Variants in PDE4B observed in about 807,000 individuals in gnomAD.
PDE4B encodes the protein phosphodiesterase 4B, also known as 3',5'-cyclic-AMP phosphodiesterase 4B.
PDE4B carries 20 observed loss-of-function variants against 82.2 expected under a neutral mutation model. The observed-to-expected ratio is 0.24, with a 90% CI of 0.17 to 0.35. PDE4B has a LOEUF of 0.35. PDE4B is among the 10% of genes least tolerant of loss of function. PDE4B has a pLI of 1.00. For synonymous variants in PDE4B, 320 were observed against 318.9 expected (o/e 1.00, Z -0.04); for missense variants, 655 against 907.2 (o/e 0.72, Z 3.57).
At chr1:66,242,423 T>C (rs992536409) in intron 3 of PDE4B, among the ~76,000 whole-genome samples, 4 of 152,204 alleles carry the variant, frequency 2.6e-5, no homozygotes, top group Admixed American at 2.6e-4. Flanking sequence ...GATTTGAATC[T>C]CTTTTGTGGA....
At chr1:66,166,407 G>T (rs1399808666) in intron 3 of PDE4B, among the ~76,000 whole-genome samples, 1 of 152,106 alleles carries the variant, frequency 6.6e-6, no homozygotes, top group Non-Finnish European at 1.5e-5. Flanking sequence ...TCATTAAAGT[G>T]AAAAACTTTT....
chr1:66,032,369 G>T (rs1022524403), intron 3 of PDE4B, among the ~76,000 whole-genome samples: 2 of 152,070 alleles, frequency 1.3e-5, no homozygotes, highest in East Asian at 3.9e-4. Context: ...ATCCTAGGAG[G>T]CTATAGTTTA....
At chr1:66,156,811 A>G (rs999864065) in intron 3 of PDE4B, among the ~76,000 whole-genome samples, 4 of 152,112 alleles carry the variant, frequency 2.6e-5, no homozygotes, top group Non-Finnish European at 5.9e-5. Flanking sequence ...ACTCTTCTTC[A>G]CTTGGCTTCA....
intron 3 of PDE4B, among the ~76,000 whole-genome samples, chr1:66,036,405 A>G (rs1654064809): frequency 6.6e-6 from 1 of 152,148 alleles, no homozygotes. Context: ...GCCCAGACCA[A>G]TATGGGTACT....
chr1:65,868,681 T>C (rs1646539332), intron 1 of PDE4B, among the ~76,000 whole-genome samples: 1 of 152,120 alleles, frequency 6.6e-6, no homozygotes, highest in East Asian at 1.9e-4. Context: ...TGCAGACCAG[T>C]AGTGGTCTGT....
intron 3 of PDE4B, among the ~76,000 whole-genome samples, chr1:65,954,222 A>G (rs6421482): frequency 0.58 from 88,229 of 151,922 alleles, 25,845 homozygotes; most frequent in African/African-American, 0.65. Flanking sequence ...ATCTCATAAC[A>G]CTTATTTTTC....
In PDE4B at chr1:66,095,143, AACTCCACTT is replaced by A. The variant is rs533555674; in HGVS notation, c.282-152316_282-152308del. On this transcript the variant is annotated intron_variant, in intron 3 of 16. Coordinates refer to ENST00000341517, the MANE Select transcript of PDE4B (RefSeq NM_002600.4). ...TTCATCTTGGTGAACATCTAGTTTA[AACTCCACTT>A]TGAGAGGTAATATTATTCAGTAGAG... Among the ~76,000 whole-genome samples the A allele has an allele frequency of 8.1e-3, 1,232 of 152,014 alleles. 19 individuals carry two copies. Among genetic ancestry groups the A allele is most frequent in the African/African-American group, 0.029 (1,201 of 41,546 alleles).
chr1:65,850,493 T>A (rs2101387437), intron 1 of PDE4B, among the ~76,000 whole-genome samples: 1 of 152,296 alleles, frequency 6.6e-6, no homozygotes, highest in South Asian at 2.1e-4. Flanking sequence ...TATCACTTTG[T>A]GGTTTTAATT....
chr1:66,029,373 G>A (rs1339595672), intron 3 of PDE4B, among the ~76,000 whole-genome samples: 2 of 152,112 alleles, frequency 1.3e-5, no homozygotes, highest in Non-Finnish European at 1.5e-5. Flanking sequence ...TTTGGGTGGG[G>A]ACACAGCCAA....
At chr1:66,368,766 T>C in intron 15 of PDE4B, 21 bp from the exon 16 acceptor site, 1 of 1,494,770 alleles carries the variant, frequency 6.7e-7, no homozygotes, top group South Asian at 1.4e-5. Context: ...TTATGAGATT[T>C]CCAAAACTTG....
At position 65,992,249 on chromosome 1, in the gene PDE4B, A is replaced by G. The variant is rs1651283081; in HGVS notation, c.281+73414A>G. Reference sequence around the variant, plus strand: ...GATTTAATCAGTTTTTACTGTGATGAAGACAGTTAGCCTCACAAATTTTGT... The same window carrying G: ...GATTTAATCAGTTTTTACTGTGATGGAGACAGTTAGCCTCACAAATTTTGT... On this transcript the variant is annotated intron_variant, in intron 3 of 16. Coordinates refer to ENST00000341517, the MANE Select transcript of PDE4B (RefSeq NM_002600.4). Among the ~76,000 whole-genome samples, 7 of 152,188 alleles carry G rather than the reference A, an allele frequency of 4.6e-5. No homozygotes were observed. In the South Asian group the frequency reaches 1.5e-3, roughly 32 times the overall value.
At chr1:66,276,622 C>A (rs1214287496) in intron 7 of PDE4B, among the ~76,000 whole-genome samples, 1 of 152,214 alleles carries the variant, frequency 6.6e-6, no homozygotes, top group Non-Finnish European at 1.5e-5. Context: ...AGAAATACAT[C>A]TCACACGTCC....
intron 7 of PDE4B, among the ~76,000 whole-genome samples, chr1:66,297,833 T>A (rs149945219): frequency 0.01 from 1,538 of 152,228 alleles, 30 homozygotes; most frequent in African/African-American, 0.035. Flanking sequence ...ATTAGAATGG[T>A]GTAATTCATC....
chr1:66,202,940 C>T (rs1649145647), intron 3 of PDE4B, among the ~76,000 whole-genome samples: 1 of 151,658 alleles, frequency 6.6e-6, no homozygotes, highest in Non-Finnish European at 1.5e-5. Context: ...TTCTTCCTAG[C>T]CTTGATGGTC....
intron 3 of PDE4B, among the ~76,000 whole-genome samples, chr1:66,202,973 C>T (rs1649152627): frequency 6.6e-6 from 1 of 152,072 alleles, no homozygotes; most frequent in African/African-American, 2.4e-5. Context: ...CATGTTTTTG[C>T]AGTGGCTGAT....
At chr1:66,159,537 G>A (rs529126101) in intron 3 of PDE4B, among the ~76,000 whole-genome samples, 5 of 151,918 alleles carry the variant, frequency 3.3e-5, no homozygotes, top group Admixed American at 6.5e-5. Context: ...CACCACACCT[G>A]GCCAAAATAA....
intron 3 of PDE4B, among the ~76,000 whole-genome samples, chr1:66,238,284 G>A (rs1652620954): frequency 6.6e-6 from 1 of 152,344 alleles, no homozygotes; most frequent in African/African-American, 2.4e-5. Context: ...TTCTGGAACA[G>A]AAAGGAAGCT....
chr1:66,187,886 G>A (rs1010104683), intron 3 of PDE4B, among the ~76,000 whole-genome samples: 3 of 151,664 alleles, frequency 2.0e-5, no homozygotes, highest in Non-Finnish European at 4.4e-5. Flanking sequence ...GCTTTTGAAA[G>A]TGTTTGCTCT....
intron 3 of PDE4B, among the ~76,000 whole-genome samples, chr1:66,139,470 C>T (rs1332549989): frequency 1.3e-5 from 2 of 152,172 alleles, no homozygotes; most frequent in Non-Finnish European, 2.9e-5. Context: ...CGCTCTCCCT[C>T]CAGTAGGAGA....
Sources: gnomAD v4.1 joint callset for allele counts (sites outside exome capture counted in the v4.1 genomes callset) on GRCh38, gnomAD v4.1.1 for gene constraint, MANE v1.5 for transcripts, NCBI Gene and HGNC (gene_info 2026-07-23, HGNC 2026-07-21) for gene names.